TIMM23: variants seen among roughly 807,000 people sequenced by gnomAD.
The protein encoded by TIMM23 is translocase of inner mitochondrial membrane 23, also known as mitochondrial import inner membrane translocase subunit Tim23.
In TIMM23, 19 loss-of-function variants were observed where a neutral mutation model predicts 30.7. That is an observed-to-expected ratio of 0.62 (90% CI 0.43 to 0.91). The LOEUF (loss-of-function observed/expected upper bound fraction) is 0.91. TIMM23 is among the 40% of genes least tolerant of loss of function. The pLI, the probability that TIMM23 is intolerant of heterozygous loss-of-function variation, is 0.00. For missense variants in TIMM23, 202 were observed against 269.2 expected, an observed-to-expected ratio of 0.75 and a Z score of 1.75; for synonymous variants, 78 against 98.5, an observed-to-expected ratio of 0.79 and a Z score of 1.23.
intron 5 of TIMM23, among the ~76,000 whole-genome samples, chr10:45,986,162 G>T (rs1303209343): frequency 2.6e-5 from 4 of 152,136 alleles, no homozygotes; most frequent in Admixed American, 6.5e-5. Flanking sequence ...GTTTGTTATG[G>T]CAGGGTAAGG....
At chr10:45,973,810 A>AT (rs35822209) in intron 1 of TIMM23, among the ~76,000 whole-genome samples, 1,728 of 143,680 alleles carry the variant, frequency 0.012, 32 homozygotes, top group Admixed American at 0.037. Flanking sequence ...CGCCTGGCTA[A>AT]TTTTTTTTTT....
intron 1 of TIMM23, among the ~76,000 whole-genome samples, chr10:45,972,965 G>A (rs1265989240): frequency 1.3e-5 from 2 of 152,168 alleles, no homozygotes; most frequent in Non-Finnish European, 2.9e-5. Context: ...CTCGCGAGAT[G>A]ATGCATGTTT....
intron 5 of TIMM23, among the ~76,000 whole-genome samples, chr10:45,986,503 C>G (rs1332220081): frequency 7.4e-6 from 1 of 134,296 alleles, no homozygotes; most frequent in African/African-American, 2.8e-5. Context: ...GAAGGGTGTT[C>G]TGCTCGTGAT....
intron 6 of TIMM23, chr10:45,992,662 A>T (rs1838201295): frequency 2.6e-6 from 1 of 389,332 alleles, no homozygotes; most frequent in African/African-American, 2.1e-5. Context: ...GGTTCAAGCG[A>T]TTCTCCTGCC....
intron 5 of TIMM23, among the ~76,000 whole-genome samples, chr10:45,987,832 A>G (rs111423220): frequency 1 from 151,983 of 151,984 alleles, 75,991 homozygotes; most frequent in Middle Eastern, 1. Context: ...TTGTTGCCCA[A>G]ACTGGTCTCT....
intron 6 of TIMM23, among the ~76,000 whole-genome samples, chr10:46,002,095 G>GT (rs368347710): frequency 1.3e-5 from 2 of 152,234 alleles, no homozygotes; most frequent in Admixed American, 1.3e-4. Context: ...GTCACTCACT[G>GT]TTTTTTAATT....
At chr10:45,984,276 TCTC>T (rs1185294262) in intron 4 of TIMM23, among the ~76,000 whole-genome samples, 4 of 152,104 alleles carry the variant, frequency 2.6e-5, no homozygotes, top group Non-Finnish European at 5.9e-5. Flanking sequence ...CCCATTTCCT[TCTC>T]CTCTCCCATC....
chr10:45,992,545 A>G (rs1554915974), intron 6 of TIMM23: 1 of 429,018 alleles, frequency 2.3e-6, no homozygotes, highest in Non-Finnish European at 4.6e-6. Flanking sequence ...ATCAAAATCC[A>G]ATTAAGCTTT....
intron 6 of TIMM23, among the ~76,000 whole-genome samples, chr10:45,993,450 C>G (rs1838233209): frequency 6.6e-6 from 1 of 151,922 alleles, no homozygotes; most frequent in Non-Finnish European, 1.5e-5. Flanking sequence ...GACGGGGTTT[C>G]TCCATGTTGG....
intron 1 of TIMM23, among the ~76,000 whole-genome samples, chr10:45,974,060 T>G (rs1271214095): frequency 2.0e-5 from 3 of 152,196 alleles, no homozygotes; most frequent in African/African-American, 7.2e-5. Context: ...TTGATTAAGA[T>G]TTGAAGGTAA....
chr10:45,997,643 C>A (rs970360875), intron 6 of TIMM23, among the ~76,000 whole-genome samples: 1 of 152,100 alleles, frequency 6.6e-6, no homozygotes, highest in Non-Finnish European at 1.5e-5. Context: ...GAGACCTCAT[C>A]TCTACAAAAA....
intron 6 of TIMM23, among the ~76,000 whole-genome samples, chr10:45,990,116 A>ATTTTTTTTTTTTTTTTTTTTTTTTTTT (rs782791725): frequency 1.5e-5 from 2 of 135,824 alleles, no homozygotes; most frequent in Admixed American, 7.4e-5. Flanking sequence ...GCAACTTTTA[A>ATTTTTTTTTTTTTTTTTTTTTTTTTTT]TTTTTTTTTT....
At position 45,988,848 on chromosome 10, in the gene TIMM23, G is replaced by C; in HGVS notation, c.514+1G>C. The C allele has an allele frequency of 6.2e-7, 1 of 1,611,192 alleles. No individual in the cohort carries two copies. Among genetic ancestry groups the C allele is most frequent in the South Asian group, 1.1e-5 (1 of 91,038 alleles). ...ACAGGCATGTTGTATAAATGTACAG[G>C]TGAGTACTGTTGAATGGGGAGCCAT... On this transcript the variant is annotated splice_donor_variant, in intron 6 of 6. Transcript: ENST00000580018. LOFTEE classifies it high-confidence loss of function.
chr10:45,982,258 A>G (rs1432578737), intron 2 of TIMM23, among the ~76,000 whole-genome samples: 1 of 152,214 alleles, frequency 6.6e-6, no homozygotes, highest in Non-Finnish European at 1.5e-5. Context: ...CTTTCTAAAC[A>G]CTTTTGCACA....
chr10:45,997,638 C>A (rs1838386248), intron 6 of TIMM23, among the ~76,000 whole-genome samples: 1 of 152,022 alleles, frequency 6.6e-6, no homozygotes, highest in Non-Finnish European at 1.5e-5. Flanking sequence ...ATAGGGAGAC[C>A]TCATCTCTAC....
chr10:45,972,749 T>G lies in TIMM23; in HGVS notation c.106+19T>G. 6.2e-7 allele frequency: 1 copy of G among 1,613,390 alleles called. No homozygotes were observed. On this transcript the variant is annotated intron_variant, in intron 1 of 6. Coordinates refer to ENST00000580018, the MANE Select transcript of TIMM23 (RefSeq NM_006327.4). The stretch of plus-strand genomic sequence containing the variant: ...GTCCCGCGTAAGTATGGGGCCTAGC[T>G]TGCGATTATTTCTGACTGGTTTTTG...
intron 2 of TIMM23, among the ~76,000 whole-genome samples, chr10:45,981,754 C>T (rs1837852819): frequency 6.6e-6 from 1 of 152,116 alleles, no homozygotes; most frequent in African/African-American, 2.4e-5. Context: ...TTATTTTAAC[C>T]ATCTTTGGTT....
intron 2 of TIMM23, among the ~76,000 whole-genome samples, chr10:45,978,025 C>A (rs1234963199): frequency 6.6e-6 from 1 of 151,230 alleles, no homozygotes; most frequent in African/African-American, 2.4e-5. Flanking sequence ...GAGTAAGACT[C>A]GGTCTCAAAA....
chr10:45,974,394 G>T lies in TIMM23; in HGVS notation c.107-1060G>T, dbSNP rs1554912543. On this transcript the variant is annotated intron_variant, in intron 1 of 6. Coordinates refer to ENST00000580018, the MANE Select transcript of TIMM23 (RefSeq NM_006327.4). The stretch of plus-strand genomic sequence containing the variant: ...GCTGTGACCCAAATACAGTACAAAT[G>T]CTTGGGAGGCAAGTATCCAGGAAAA... 4.8e-3 allele frequency among the ~76,000 whole-genome samples: 724 copies of T among 152,310 alleles called. 5 individuals carry two copies. The highest frequency in any genetic ancestry group is 0.019 in the East Asian group (98 of 5,180).
Sources: gnomAD v4.1 joint callset for allele counts (sites outside exome capture counted in the v4.1 genomes callset) on GRCh38, gnomAD v4.1.1 for gene constraint, MANE v1.5 for transcripts, NCBI Gene and HGNC (gene_info 2026-07-23, HGNC 2026-07-21) for gene names.